The following STS variants were observed in gnomAD, a reference collection of about 807,000 sequenced individuals.
STS encodes the protein steryl-sulfatase.
In STS, 7 loss-of-function variants were observed where a neutral mutation model predicts 26.8. The ratio of observed to expected loss-of-function variants is 0.26; its 90% confidence interval spans 0.15 to 0.49. The LOEUF (loss-of-function observed/expected upper bound fraction) is 0.49, where lower values mean the gene tolerates loss of function less well. STS is among the 20% of genes least tolerant of loss of function. The pLI, the probability that STS is intolerant of heterozygous loss-of-function variation, is 0.98. For missense variants in STS, 434 were observed against 465.6 expected, an observed-to-expected ratio of 0.93 and a Z score of 0.63; for synonymous variants, 199 against 189.4, an observed-to-expected ratio of 1.05 and a Z score of -0.42.
intron 2 of STS, among the ~76,000 whole-genome samples, chrX:7,246,838 G>T (rs1922906908): frequency 1.8e-5 from 2 of 112,644 alleles, no homozygotes; most frequent in African/African-American, 6.4e-5. Context: ...TGAGATAAGG[G>T]GTAGTTTTAT....
At chrX:7,308,675 A>G (rs1239199205) in intron 8 of STS, among the ~76,000 whole-genome samples, 1 of 112,097 alleles carries the variant, frequency 8.9e-6, no homozygotes, top group Non-Finnish European at 1.9e-5. Context: ...TGGAGAGACC[A>G]TGAATGTGTA....
At position 7,303,925 on chromosome X, in the gene STS, T is replaced by C. The variant is rs866208045; in HGVS notation, c.944-1121T>C. 8.9e-5 allele frequency among the ~76,000 whole-genome samples: 10 copies of C among 112,187 alleles called. No individual in the cohort carries two copies. The South Asian group carries it at 3.7e-3, about 42-fold the overall frequency. ...TTAACAGTTATTAACTCCTGGCTAA[T>C]CTTGTTGAATCTATATCCCATACTC... On this transcript the variant is annotated intron_variant, in intron 7 of 10. Coordinates refer to ENST00000674429, the MANE Select transcript of STS (RefSeq NM_001320752.2).
chrX:7,348,088 A>G (rs908334899), intron 10 of STS, among the ~76,000 whole-genome samples: 9 of 111,833 alleles, frequency 8.0e-5, no homozygotes, highest in African/African-American at 2.9e-4. Context: ...TCGCAGAATC[A>G]GCTATGCCAC....
intron 2 of STS, among the ~76,000 whole-genome samples, chrX:7,202,040 G>T (rs1181872592): frequency 9.0e-6 from 1 of 111,535 alleles, no homozygotes; most frequent in Non-Finnish European, 1.9e-5. Context: ...GGTGTGGCCA[G>T]CTACAGAAAT....
rs778177197 is a variant in STS, at chrX:7,351,810, C to T, written c.*1549C>T. 1 of 110,112 alleles carries T rather than the reference C, an allele frequency of 9.1e-6. No individual in the cohort carries two copies. The highest frequency in any genetic ancestry group is 1.9e-5 in the Non-Finnish European group (1 of 52,821). The allele number at this position is 110,112 out of a possible 1,213,427, so 9.1% of individuals were successfully genotyped here. ...TGAAAGTTGGCTATAATTTCTCTAT[C>T]CCTACCCACAACCCTGGGAAGTTGG... On this transcript the variant is annotated 3_prime_UTR_variant, in exon 11 of 11. Coordinates refer to ENST00000674429, the MANE Select transcript of STS (RefSeq NM_001320752.2).
intron 7 of STS, among the ~76,000 whole-genome samples, chrX:7,294,072 T>C (rs1345547938): frequency 9.0e-6 from 1 of 111,600 alleles, no homozygotes; most frequent in Non-Finnish European, 1.9e-5. Context: ...TAGTTGAAAA[T>C]CCATTGTATA....
intron 2 of STS, among the ~76,000 whole-genome samples, chrX:7,218,844 A>G (rs773468729): frequency 6.7e-4 from 75 of 111,868 alleles, no homozygotes; most frequent in Non-Finnish European, 8.8e-4. Context: ...CTGAGCTGAA[A>G]GGGAGAAAAT....
chrX:7,215,023 TTA>T (rs1350000909), intron 2 of STS, among the ~76,000 whole-genome samples: 1 of 65,128 alleles, frequency 1.5e-5, no homozygotes, highest in Non-Finnish European at 3.0e-5. Flanking sequence ...TATATATATA[TTA>T]TATATGTATA....
intron 1 of STS, among the ~76,000 whole-genome samples, chrX:7,185,265 AC>A (rs1489456956): frequency 8.9e-6 from 1 of 112,752 alleles, no homozygotes; most frequent in Non-Finnish European, 1.9e-5. Flanking sequence ...ACACATTCTA[AC>A]CCTATCATCT....
intron 1 of STS, among the ~76,000 whole-genome samples, chrX:7,152,021 T>C (rs772976165): frequency 6.3e-5 from 7 of 111,362 alleles, no homozygotes; most frequent in East Asian, 5.6e-4. Context: ...GGCACGATCT[T>C]GGCTCACTGC....
chrX:7,169,599 A>G (rs1390061122), intron 1 of STS, among the ~76,000 whole-genome samples: 1 of 112,112 alleles, frequency 8.9e-6, no homozygotes, highest in Non-Finnish European at 1.9e-5. Flanking sequence ...AGGAACCACC[A>G]TACTGTTATC....
chrX:7,198,873 C>G (rs1296051466), intron 2 of STS, among the ~76,000 whole-genome samples: 3 of 111,443 alleles, frequency 2.7e-5, no homozygotes, highest in Non-Finnish European at 5.7e-5. Context: ...TGAACCTACC[C>G]AAGATTCCAG....
At chrX:7,320,176 T>TTATA (rs1179883082) in intron 8 of STS, among the ~76,000 whole-genome samples, 1 of 101,008 alleles carries the variant, frequency 9.9e-6, no homozygotes, top group East Asian at 2.9e-4. Flanking sequence ...ATATTTTATT[T>TTATA]TATATATATA....
At chrX:7,325,154 T>C (rs1365954531) in intron 8 of STS, among the ~76,000 whole-genome samples, 185 bp from the exon 9 acceptor site, 1 of 112,004 alleles carries the variant, frequency 8.9e-6, no homozygotes, top group Non-Finnish European at 1.9e-5. Flanking sequence ...TGGTGGTGAC[T>C]GTATCATATA....
intron 2 of STS, among the ~76,000 whole-genome samples, chrX:7,241,078 A>G (rs5934742): frequency 0.36 from 39,672 of 110,438 alleles, 5,269 homozygotes; most frequent in East Asian, 0.4. Context: ...TTTGCATGGA[A>G]AAAATAACCA....
intron 7 of STS, among the ~76,000 whole-genome samples, chrX:7,299,351 A>G (rs1332219989): frequency 1.0e-5 from 1 of 100,348 alleles, no homozygotes; most frequent in African/African-American, 3.6e-5. Flanking sequence ...CATAATTTAC[A>G]TGTATACTTA....
chrX:7,272,806 G>A (rs183172397), intron 6 of STS, among the ~76,000 whole-genome samples: 98 of 111,503 alleles, frequency 8.8e-4, no homozygotes, highest in Non-Finnish European at 1.5e-3. Context: ...CACATAAAGA[G>A]CTCTGGTGTC....
intron 2 of STS, among the ~76,000 whole-genome samples, chrX:7,213,405 G>A (rs1200415154): frequency 4.5e-5 from 5 of 111,429 alleles, no homozygotes; most frequent in Admixed American, 9.5e-5. Flanking sequence ...TCTAGCTGCT[G>A]TAGTGCTGTC....
chrX:7,286,196 C>T (rs1210765826), intron 7 of STS, among the ~76,000 whole-genome samples: 4 of 111,291 alleles, frequency 3.6e-5, no homozygotes, highest in African/African-American at 1.3e-4. Flanking sequence ...CCCACTCATC[C>T]TAAATCACAC....
Sources: gnomAD v4.1 joint callset for allele counts (sites outside exome capture counted in the v4.1 genomes callset) on GRCh38, gnomAD v4.1.1 for gene constraint, MANE v1.5 for transcripts, NCBI Gene and HGNC (gene_info 2026-07-23, HGNC 2026-07-21) for gene names.